Variants in PRKN observed in about 807,000 individuals in gnomAD.
PRKN encodes parkin RBR E3 ubiquitin protein ligase, also known as E3 ubiquitin-protein ligase parkin.
PRKN carries 56 observed loss-of-function variants against 59.5 expected under a neutral mutation model. The observed-to-expected ratio is 0.94, with a 90% confidence interval of 0.76 to 1.18. The LOEUF (loss-of-function observed/expected upper bound fraction) is 1.18. Ranked by LOEUF, PRKN falls within the 50% of genes most tolerant of loss-of-function variation. The pLI is 0.00. For synonymous variants in PRKN, 250 were observed against 222.1 expected, an observed-to-expected ratio of 1.13 and a Z score of -1.12; for missense variants, 657 against 596.4, an observed-to-expected ratio of 1.10 and a Z score of -1.06.
At chr6:161,995,554 C>G (rs1781810156) in intron 5 of PRKN, among the ~76,000 whole-genome samples, 1 of 151,810 alleles carries the variant, frequency 6.6e-6, no homozygotes, top group African/African-American at 2.4e-5. Context: ...TCAAAAAACT[C>G]AAAAGCAAAA....
intron 1 of PRKN, among the ~76,000 whole-genome samples, chr6:162,688,867 T>A (rs1777663836): frequency 6.6e-6 from 1 of 152,208 alleles, no homozygotes; most frequent in African/African-American, 2.4e-5. Flanking sequence ...TTTTTACTTT[T>A]TTCCCCCCAG....
chr6:162,507,329 GC>G (rs1487173867), intron 1 of PRKN, among the ~76,000 whole-genome samples: 1 of 152,060 alleles, frequency 6.6e-6, no homozygotes, highest in South Asian at 2.1e-4. Context: ...CCATCCAATG[GC>G]TTCTCACTGT....
intron 2 of PRKN, among the ~76,000 whole-genome samples, chr6:162,326,020 T>C (rs2128123243): frequency 6.6e-6 from 1 of 152,218 alleles, no homozygotes; most frequent in Non-Finnish European, 1.5e-5. Flanking sequence ...CAGAGGCCGC[T>C]CATAGAAGGA....
At chr6:162,570,579 C>A (rs56153292) in intron 1 of PRKN, among the ~76,000 whole-genome samples, 34,141 of 152,102 alleles carry the variant, frequency 0.22, 4,611 homozygotes, top group African/African-American at 0.38. Context: ...CATCCATCAA[C>A]AGATGAATAA....
At chr6:162,547,175 C>A (rs1779155166) in intron 1 of PRKN, among the ~76,000 whole-genome samples, 2 of 152,178 alleles carry the variant, frequency 1.3e-5, no homozygotes. Context: ...TTCTGGTACA[C>A]ATCATTACAG....
chr6:161,366,983 T>C (rs1442622624), intron 10 of PRKN, among the ~76,000 whole-genome samples: 1,144 of 76,924 alleles, frequency 0.015, 94 homozygotes, highest in African/African-American at 0.1. Context: ...TTTTGTTTCC[T>C]TTTTTTTTTT....
chr6:161,870,875 G>T (rs1289973030), intron 6 of PRKN, among the ~76,000 whole-genome samples: 2 of 152,124 alleles, frequency 1.3e-5, no homozygotes, highest in Non-Finnish European at 2.9e-5. Context: ...GAACTCTGGG[G>T]AGTTAGGCTG....
chr6:162,550,784 A>C (rs1779304049), intron 1 of PRKN, among the ~76,000 whole-genome samples: 1 of 152,204 alleles, frequency 6.6e-6, no homozygotes, highest in Non-Finnish European at 1.5e-5. Flanking sequence ...TGGGTTTCAG[A>C]AATGTTCTGG....
intron 4 of PRKN, among the ~76,000 whole-genome samples, chr6:162,162,200 C>T (rs1045414222): frequency 7.9e-5 from 12 of 152,200 alleles, no homozygotes; most frequent in African/African-American, 2.7e-4. Context: ...CTCCCTGCCT[C>T]AGCCTCCTGA....
In PRKN at chr6:161,735,104, T is replaced by C. The variant is rs115638941; in HGVS notation, c.871+50668A>G. Among the ~76,000 whole-genome samples, 1,195 of 151,740 alleles carry C rather than the reference T, an allele frequency of 7.9e-3. 21 individuals carry two copies. Among genetic ancestry groups the C allele is most frequent in the African/African-American group, 0.028 (1,144 of 41,344 alleles). ...TCTTCTCCAGCCTCTGTTCCCCTTG[T>C]AGAGAGAGGCTGAGGAGGGTGGATC... On this transcript the variant is annotated intron_variant, in intron 7 of 11. Coordinates refer to ENST00000366898, the MANE Select transcript of PRKN (RefSeq NM_004562.3).
chr6:162,205,360 T>A (rs1419574056), intron 3 of PRKN, among the ~76,000 whole-genome samples: 6 of 152,148 alleles, frequency 3.9e-5, no homozygotes, highest in Non-Finnish European at 8.8e-5. Flanking sequence ...TCTTTACAGT[T>A]ATCATTTTTC....
rs190645036 is a variant in PRKN at position 161,356,611 on chromosome 6, C to A, written c.1285+3477G>T. 1.4e-3 allele frequency among the ~76,000 whole-genome samples: 215 copies of A among 152,132 alleles called. No individual in the cohort carries two copies. The highest frequency in any genetic ancestry group is 5.0e-3 in the African/African-American group (207 of 41,506). ...GGTGGGCAGACGCTGGATCAGAGCA[C>A]GGGGAAGGCCGTGGTGACCGGGGAT... On this transcript the variant is annotated intron_variant, in intron 11 of 11. Transcript: ENST00000366898. This position sits in a 1 kb window ranked among gnomAD's most constrained non-coding sequence, Gnocchi z 7.8.
chr6:162,672,492 A>G (rs895996944), intron 1 of PRKN, among the ~76,000 whole-genome samples: 3 of 152,198 alleles, frequency 2.0e-5, no homozygotes, highest in Non-Finnish European at 4.4e-5. Context: ...AGATACAATG[A>G]AGTTGATATA....
At chr6:161,367,777 A>G (rs1440514558) in intron 10 of PRKN, among the ~76,000 whole-genome samples, 2 of 152,178 alleles carry the variant, frequency 1.3e-5, no homozygotes, top group Non-Finnish European at 2.9e-5. Context: ...AAGGCTTTGA[A>G]GAAGTAAGGA....
rs1346951062 is a variant in PRKN, at chr6:162,727,716, G to A, written c.-48C>T. 1.9e-6 allele frequency: 3 copies of A among 1,550,970 alleles called. No homozygotes were observed. Among genetic ancestry groups the A allele is most frequent in the Middle Eastern group, 3.4e-4 (2 of 5,958 alleles). On this transcript the variant is annotated 5_prime_UTR_variant, in exon 1 of 12. Transcript: ENST00000366898. ...GCGGGCCAGGAACAGGCCCATGCGC[G>A]CAGCGGCGCCAGCCGCGCCTCCCAC... is the stretch of plus-strand genomic sequence containing the variant.
intron 1 of PRKN, among the ~76,000 whole-genome samples, chr6:162,708,820 C>T (rs908774636): frequency 6.6e-6 from 1 of 152,030 alleles, no homozygotes; most frequent in Non-Finnish European, 1.5e-5. Context: ...CAGGGGCCCC[C>T]AAGCCGCAGG....
chr6:161,891,496 G>T (rs375433400), intron 6 of PRKN, among the ~76,000 whole-genome samples: 1 of 152,076 alleles, frequency 6.6e-6, no homozygotes, highest in Non-Finnish European at 1.5e-5. Context: ...TCTTCTCCTG[G>T]GTCCCTAAAC....
At chr6:161,923,801 T>A (rs1778868233) in intron 6 of PRKN, among the ~76,000 whole-genome samples, 1 of 152,162 alleles carries the variant, frequency 6.6e-6, no homozygotes, top group Non-Finnish European at 1.5e-5. Context: ...GTTCAGCTGG[T>A]GCAGATTCTG....
intron 1 of PRKN, among the ~76,000 whole-genome samples, chr6:162,563,819 G>A (rs987592820): frequency 6.6e-6 from 1 of 152,042 alleles, no homozygotes. Flanking sequence ...TTAACAAAGA[G>A]AATGAAATAA....
Sources: gnomAD v4.1 joint callset for allele counts (sites outside exome capture counted in the v4.1 genomes callset) on GRCh38, gnomAD v4.1.1 for gene constraint, Gnocchi (gnomAD v3.1) non-coding constraint, MANE v1.5 for transcripts, NCBI Gene and HGNC (gene_info 2026-07-23, HGNC 2026-07-21) for gene names.